SLIT2: variants seen among roughly 807,000 people sequenced by gnomAD.
The protein encoded by SLIT2 is slit guidance ligand 2.
Under a neutral mutation model 185.7 loss-of-function variants are expected in SLIT2, and 41 were observed. The ratio of observed to expected loss-of-function variants is 0.22; its 90% CI spans 0.17 to 0.29. The LOEUF (loss-of-function observed/expected upper bound fraction) is 0.29. Ranked by LOEUF, SLIT2 falls within the 10% of genes least tolerant of loss-of-function variation. The pLI is 1.00. For missense variants in SLIT2, 1,571 were observed against 1,909.0 expected, an observed-to-expected ratio of 0.82 and a Z score of 3.30; for synonymous variants, 693 against 680.2, an observed-to-expected ratio of 1.02 and a Z score of -0.29.
intron 6 of SLIT2, among the ~76,000 whole-genome samples, chr4:20,481,152 C>A (rs752574347): frequency 2.0e-5 from 3 of 151,896 alleles, no homozygotes; most frequent in Admixed American, 6.6e-5. Flanking sequence ...CGTTGTTAGG[C>A]AATGGAAACA....
intron 14 of SLIT2, among the ~76,000 whole-genome samples, chr4:20,524,645 C>T (rs1253790648): frequency 6.6e-6 from 1 of 152,196 alleles, no homozygotes; most frequent in Non-Finnish European, 1.5e-5. Flanking sequence ...TTGCTTCTTA[C>T]TCTGAATGCA....
chr4:20,356,505 G>A (rs1722337392), intron 4 of SLIT2, among the ~76,000 whole-genome samples: 1 of 152,110 alleles, frequency 6.6e-6, no homozygotes, highest in Non-Finnish European at 1.5e-5. Flanking sequence ...AGAAAAAAGT[G>A]AATGCTTTAT....
At chr4:20,584,056 GATACTCCCTCTGGTA>G (rs1726835034) in intron 29 of SLIT2, among the ~76,000 whole-genome samples, 1 of 151,950 alleles carries the variant, frequency 6.6e-6, no homozygotes. Flanking sequence ...AGCTAAGTGT[GATACTCCCTCTGGTA>G]ACTTGCTGTC....
chr4:20,437,888 C>T (rs1405638243), intron 4 of SLIT2, among the ~76,000 whole-genome samples: 1 of 130,720 alleles, frequency 7.6e-6, no homozygotes, highest in Non-Finnish European at 1.5e-5. Context: ...GCACTCCAGC[C>T]TGGGTGACAG....
At chr4:20,340,761 C>T (rs904866930) in intron 4 of SLIT2, among the ~76,000 whole-genome samples, 20 of 152,070 alleles carry the variant, frequency 1.3e-4, no homozygotes, top group African/African-American at 2.2e-4. Context: ...CCACTAGACC[C>T]GGCTAATTTT....
chr4:20,504,073 C>A (rs1300122271), intron 9 of SLIT2, among the ~76,000 whole-genome samples: 1 of 152,110 alleles, frequency 6.6e-6, no homozygotes, highest in African/African-American at 2.4e-5. Context: ...ATTTTAATGA[C>A]ATGATTTACT....
At chr4:20,440,530 A>T (rs1332283514) in intron 4 of SLIT2, among the ~76,000 whole-genome samples, 2 of 150,880 alleles carry the variant, frequency 1.3e-5, no homozygotes, top group Non-Finnish European at 3.0e-5. Context: ...ATACGGCCCT[A>T]AAAAAAAAGC....
At chr4:20,585,695 G>A (rs776199123) in intron 29 of SLIT2, among the ~76,000 whole-genome samples, 7 of 152,128 alleles carry the variant, frequency 4.6e-5, no homozygotes, top group Non-Finnish European at 5.9e-5. Flanking sequence ...CTGTATAGTC[G>A]AATAAAGAAT....
intron 24 of SLIT2, 26 bp from the exon 25 acceptor site, chr4:20,550,801 T>G (rs765072090): frequency 6.7e-7 from 1 of 1,488,640 alleles, no homozygotes; most frequent in Admixed American, 1.7e-5. Context: ...TATAGGAAGT[T>G]TAATTTTTCT....
At chr4:20,354,472 A>G in intron 4 of SLIT2, among the ~76,000 whole-genome samples, 1 of 152,176 alleles carries the variant, frequency 6.6e-6, no homozygotes. Context: ...GACCAAGGGC[A>G]CAAAATTCTC....
At chr4:20,382,685 C>T (rs965988274) in intron 4 of SLIT2, among the ~76,000 whole-genome samples, 4 of 151,970 alleles carry the variant, frequency 2.6e-5, no homozygotes, top group African/African-American at 9.7e-5. Context: ...ATATAGCATA[C>T]TATGAGTTGG....
intron 4 of SLIT2, among the ~76,000 whole-genome samples, chr4:20,269,140 C>T (rs779786995): frequency 7.3e-5 from 11 of 151,578 alleles, no homozygotes; most frequent in African/African-American, 1.9e-4. Context: ...GTGATGATGG[C>T]GAGATTTACC....
intron 5 of SLIT2, among the ~76,000 whole-genome samples, chr4:20,475,316 G>GTT (rs5856561): frequency 8.5e-5 from 12 of 140,808 alleles, no homozygotes; most frequent in Admixed American, 2.1e-4. Context: ...TGAGGTTTTG[G>GTT]TTTTTTTTTT....
At chr4:20,292,722 G>A (rs147568952) in intron 4 of SLIT2, among the ~76,000 whole-genome samples, 8 of 152,286 alleles carry the variant, frequency 5.3e-5, no homozygotes, top group African/African-American at 1.9e-4. Context: ...AAGATTATTT[G>A]GTTAGGGATT....
chr4:20,268,106 G>A (rs1713227361), intron 3 of SLIT2, among the ~76,000 whole-genome samples: 1 of 151,742 alleles, frequency 6.6e-6, no homozygotes, highest in Non-Finnish European at 1.5e-5. Context: ...CAAGCATCAG[G>A]GCTTAAATTG....
chr4:20,283,089 G>A (rs1432693016), intron 4 of SLIT2, among the ~76,000 whole-genome samples: 4 of 149,628 alleles, frequency 2.7e-5, no homozygotes, highest in African/African-American at 9.9e-5. Flanking sequence ...GTTTATATGT[G>A]TGTGTTGCCT....
At chr4:20,352,805 C>A (rs1476213193) in intron 4 of SLIT2, among the ~76,000 whole-genome samples, 1 of 152,016 alleles carries the variant, frequency 6.6e-6, no homozygotes, top group Non-Finnish European at 1.5e-5. Context: ...CCCAGCTACT[C>A]GGGAGGCTGA....
chr4:20,392,620 G>C (rs1186601678), intron 4 of SLIT2, among the ~76,000 whole-genome samples: 3 of 152,000 alleles, frequency 2.0e-5, no homozygotes, highest in African/African-American at 7.2e-5. Context: ...TAAAACACAA[G>C]TACATTGTAC....
intron 4 of SLIT2, among the ~76,000 whole-genome samples, chr4:20,342,717 C>CTTTTTTTTT (rs11373611): frequency 5.7e-5 from 4 of 69,680 alleles, no homozygotes; most frequent in Admixed American, 2.6e-4. Context: ...GACTATCGCA[C>CTTTTTTTTT]TTTTTTTTTT....
Sources: allele counts gnomAD v4.1 joint callset (sites outside exome capture counted in the v4.1 genomes callset), GRCh38; gene constraint gnomAD v4.1.1; transcripts MANE v1.5; gene names NCBI Gene and HGNC (gene_info 2026-07-23, HGNC 2026-07-21).